The following SORBS3 variants were observed in gnomAD, a reference collection of about 807,000 sequenced individuals.
The protein encoded by SORBS3 is sorbin and SH3 domain containing 3, also known as vinexin.
SORBS3 carries 69 observed loss-of-function variants against 98.0 expected under a neutral mutation model. The ratio of observed to expected loss-of-function variants is 0.70; its 90% CI spans 0.58 to 0.86. SORBS3 has a LOEUF of 0.86. Among genes scored for constraint, SORBS3 ranks in the 40% least tolerant of loss-of-function variants. The pLI, the probability that SORBS3 is intolerant of heterozygous loss-of-function variation, is 0.00. For missense variants in SORBS3, 954 were observed against 908.5 expected (o/e 1.05, Z -0.64); for synonymous variants, 394 against 355.4 (o/e 1.11, Z -1.22).
chr8:22,564,635 C>G, intron 10 of SORBS3, 114 bp downstream of exon 10: 1 of 1,473,974 alleles, frequency 6.8e-7, no homozygotes, highest in Non-Finnish European at 9.3e-7. Flanking sequence ...CTCTCCAGTC[C>G]CACATGGTTT....
Position 22,572,427 on chromosome 8 carries a change from T to G in SORBS3, c.1935T>G (p.Cys645Trp). 1.2e-6 allele frequency: 2 copies of G among 1,613,724 alleles called. No homozygotes were observed. The highest frequency in any genetic ancestry group is 1.7e-6 in the Non-Finnish European group (2 of 1,179,852). Residue 645 changes from cysteine to tryptophan, a missense_variant, in exon 20 of 21, where the codon TGT becomes TGG. By Grantham distance (215) the Cys-to-Trp change is radical. Transcript: ENST00000240123. ...EGDRVDVMQQCDDGWFVGVSR... is the reference protein window; with the variant it reads ...EGDRVDVMQQWDDGWFVGVSR... ...ACAGGGTGGATGTCATGCAGCAGTG[T>G]GACGATGGCTGGTTTGTGGGTATGT...
At position 22,554,254 on chromosome 8, in the gene SORBS3, C is replaced by T. The variant is rs773368078; in HGVS notation, c.-55-198C>T. 1.5e-5 allele frequency: 6 copies of T among 405,092 alleles called. No individual in the cohort carries two copies. Among genetic ancestry groups the T allele is most frequent in the Non-Finnish European group, 2.2e-5 (5 of 226,410 alleles). 25.1% of individuals were successfully genotyped at this position (405,092 alleles called of 1,614,324 possible). A position where few individuals can be genotyped will look rare whatever the true frequency, so the allele number is the denominator to read the frequency against. On this transcript the variant is annotated intron_variant, in intron 1 of 20. Coordinates refer to ENST00000240123, the MANE Select transcript of SORBS3 (RefSeq NM_005775.5). The surrounding 1 kb of genome is among the most constrained non-coding windows in gnomAD (Gnocchi z 6.5). Reference sequence around the variant, plus strand: ...TGGGCCTAACAAGTGGTCCATTGTGCCCCTGGGAGCCGGCAGGCACGGGCA... The same window carrying T: ...TGGGCCTAACAAGTGGTCCATTGTGTCCCTGGGAGCCGGCAGGCACGGGCA...
At position 22,574,697 on chromosome 8, in the gene SORBS3, C is replaced by T. The variant is rs761572472; in HGVS notation, c.1985C>T (p.Thr662Met). 6.2e-7 allele frequency: 1 copy of T among 1,611,168 alleles called. No individual in the cohort carries two copies. The highest frequency in any genetic ancestry group is 8.5e-7 in the Non-Finnish European group (1 of 1,178,604). Residue 662 changes from threonine to methionine, a missense_variant, in exon 21 of 21, where the codon ACG (threonine) becomes ATG (methionine). Thr to Met is a moderately conservative substitution (Grantham distance 81). Coordinates refer to ENST00000240123, the MANE Select transcript of SORBS3 (RefSeq NM_005775.5). ...GVSRRTQKFG[T>M]FPGNYVAPV ...TCCCGGAGGACCCAGAAATTCGGAA[C>T]GTTCCCTGGAAATTACGTTGCCCCG...
Position 22,553,756 on chromosome 8 carries a change from G to T in SORBS3, c.-55-696G>T, listed in dbSNP as rs755732775. ...GGCACTCAGCACCAACTCTCCATGGGCATGAGCAGGTTCAGCTCTGCCCTC... is the reference window on the plus strand; with the variant it reads ...GGCACTCAGCACCAACTCTCCATGGTCATGAGCAGGTTCAGCTCTGCCCTC... On this transcript the variant is annotated intron_variant, in intron 1 of 20. Transcript: ENST00000240123. Among the ~76,000 whole-genome samples, 28 of 152,196 alleles carry T rather than the reference G, an allele frequency of 1.8e-4. 1 individual carries two copies. Among genetic ancestry groups the T allele is most frequent in the Non-Finnish European group, 7.4e-5 (5 of 68,022 alleles).
chr8:22,571,710 A>G lies in SORBS3; in HGVS notation c.1744-8A>G, dbSNP rs773921954. On this transcript the variant is annotated splice_region_variant and splice_polypyrimidine_tract_variant and intron_variant, in intron 18 of 20. Transcript: ENST00000240123. ...CTCTGACATCCCTTTCTTCCTGTCA[A>G]CTCCCAGAATCTTGGCACCCCTGGT... 1.9e-6 allele frequency: 3 copies of G among 1,606,954 alleles called. No homozygotes were observed. Among genetic ancestry groups the G allele is most frequent in the Non-Finnish European group, 2.6e-6 (3 of 1,174,234 alleles).
chr8:22,574,741 G>A lies in SORBS3; in HGVS notation c.*13G>A. 6.2e-7 allele frequency: 1 copy of A among 1,610,424 alleles called. No individual in the cohort carries two copies. Among genetic ancestry groups the A allele is most frequent in the Non-Finnish European group, 8.5e-7 (1 of 1,177,192 alleles). On this transcript the variant is annotated 3_prime_UTR_variant, in exon 21 of 21. Transcript: ENST00000240123. ...TGCCCCGGTGTGAGTGGTCTCCATG[G>A]CAACTTGGAGCCAGCCAGGATGGGG...
In SORBS3 at chr8:22,558,048, T is replaced by G. The variant is rs1441345639; in HGVS notation, c.415-81T>G. ...GTTCAGGGATGGCCAGAGAAGGGAC[T>G]CACTAGGGAAAGATTTTTGTGGCTT... On this transcript the variant is annotated intron_variant, in intron 4 of 20. Coordinates refer to ENST00000240123, the MANE Select transcript of SORBS3 (RefSeq NM_005775.5). 9 of 1,365,608 alleles carry G rather than the reference T, an allele frequency of 6.6e-6. 1 individual carries two copies. In the East Asian group the frequency reaches 6.9e-5, roughly 10 times the overall value. The allele number at this position is 1,365,608 out of a possible 1,614,324, so 84.6% of individuals were successfully genotyped here. A position where few individuals can be genotyped will look rare whatever the true frequency, so the allele number is the denominator to read the frequency against.
In SORBS3 at chr8:22,566,857, G is replaced by T. The variant is rs773537955; in HGVS notation, c.1179G>T (p.Ala393=). 9 of 1,611,700 alleles carry T rather than the reference G, an allele frequency of 5.6e-6. No individual in the cohort carries two copies. In the African/African-American group the frequency reaches 1.2e-4, roughly 22 times the overall value. ...KAARLKFDFQ[A]QSPKELTLQK... ...CCAGGCTCAAGTTTGACTTCCAGGCGCAGTCCCCCAAGTAAGCGCCCTCCT... is the reference window on the plus strand; with the variant it reads ...CCAGGCTCAAGTTTGACTTCCAGGCTCAGTCCCCCAAGTAAGCGCCCTCCT... The change falls in exon 15 of 21, where the codon GCG becomes GCT. Residue 393 remains alanine, a synonymous_variant. Transcript: ENST00000240123.
intron 18 of SORBS3, 94 bp from the exon 19 acceptor site, chr8:22,571,624 A>G (rs1373602477): frequency 1.1e-6 from 1 of 895,750 alleles, no homozygotes. Context: ...TGGCAGGTGG[A>G]CTGGGAACGC....
chr8:22,557,228 T>C (rs2449347), intron 4 of SORBS3, among the ~76,000 whole-genome samples: 66,394 of 151,608 alleles, frequency 0.44, 14,649 homozygotes, highest in South Asian at 0.47. Flanking sequence ...CCAGGGCCTG[T>C]CACGACGCTC....
intron 20 of SORBS3, among the ~76,000 whole-genome samples, chr8:22,574,251 C>T (rs1221113900): frequency 6.6e-6 from 1 of 152,150 alleles, no homozygotes; most frequent in African/African-American, 2.4e-5. Flanking sequence ...TACTCCTAAG[C>T]GTCGGGGTGC....
At chr8:22,555,142 C>T (rs998095425) in intron 3 of SORBS3, among the ~76,000 whole-genome samples, 162 bp downstream of exon 3, 4 of 152,200 alleles carry the variant, frequency 2.6e-5, no homozygotes, top group African/African-American at 9.6e-5. Flanking sequence ...CCCCTCCCTG[C>T]GGAGCCTGCT....
chr8:22,572,784 C>T (rs1271806952), intron 20 of SORBS3, among the ~76,000 whole-genome samples: 1 of 152,222 alleles, frequency 6.6e-6, no homozygotes, highest in African/African-American at 2.4e-5. Flanking sequence ...TGGGGGAGAG[C>T]TCCTGGTGGA....
At chr8:22,573,806 A>G (rs1326087281) in intron 20 of SORBS3, among the ~76,000 whole-genome samples, 1 of 152,240 alleles carries the variant, frequency 6.6e-6, no homozygotes, top group African/African-American at 2.4e-5. Context: ...TTTTCTATAT[A>G]TAGGAATATA....
chr8:22,558,203 C>T lies in SORBS3; in HGVS notation c.478+11C>T, dbSNP rs973761053. ...ACCGGAAAATGCCAGGTAAGATACC[C>T]TTCCAGGGCCCTCTCCCTGCCAAAG... On this transcript the variant is annotated intron_variant, in intron 5 of 20. Transcript: ENST00000240123. The T allele has an allele frequency of 6.2e-7, 1 of 1,613,488 alleles. No individual in the cohort carries two copies. Among genetic ancestry groups the T allele is most frequent in the East Asian group, 2.2e-5 (1 of 44,900 alleles).
At chr8:22,567,226 G>A (rs1586902597) in intron 16 of SORBS3, 51 bp downstream of exon 16, 1 of 1,301,432 alleles carries the variant, frequency 7.7e-7, no homozygotes, top group South Asian at 1.2e-5. Context: ...GGGCGCAGGG[G>A]TTGGGAGAGA....
At position 22,571,205 on chromosome 8, in the gene SORBS3, C is replaced by G. The variant is rs1334551134; in HGVS notation, c.1727C>G (p.Pro576Arg). ...RTGFSFPTQE[P>R]RPQTQNLGTP... Reference sequence around the variant, plus strand: ...GGCTTCTCCTTCCCCACCCAGGAGCCTAGACCCCAGACCCAGGTGAGGTAG... The same window carrying G: ...GGCTTCTCCTTCCCCACCCAGGAGCGTAGACCCCAGACCCAGGTGAGGTAG... Residue 576 changes from proline (P) to arginine (R), a missense_variant, in exon 18 of 21, where the codon CCT (proline) becomes CGT (arginine). Pro to Arg is a moderately radical substitution (Grantham distance 103). Transcript: ENST00000240123. 3.2e-6 allele frequency: 5 copies of G among 1,553,338 alleles called. No individual in the cohort carries two copies. The highest frequency in any genetic ancestry group is 2.3e-5 in the East Asian group (1 of 44,228).
chr8:22,565,749 CT>C (rs1419713652), intron 11 of SORBS3, 76 bp from the exon 12 acceptor site: 4 of 1,278,586 alleles, frequency 3.1e-6, no homozygotes, highest in South Asian at 2.4e-5. Context: ...GAGCCGCGAA[CT>C]TTTCCGGAGG....
chr8:22,556,002 G>C (rs1030388717), intron 3 of SORBS3, among the ~76,000 whole-genome samples: 1 of 152,208 alleles, frequency 6.6e-6, no homozygotes, highest in Non-Finnish European at 1.5e-5. Flanking sequence ...ATGACTGACA[G>C]CTTCCCAGTA....
Sources: gnomAD v4.1 joint callset for allele counts (sites outside exome capture counted in the v4.1 genomes callset) on GRCh38, gnomAD v4.1.1 for gene constraint, Gnocchi (gnomAD v3.1) non-coding constraint, MANE v1.5 for transcripts, NCBI Gene and HGNC (gene_info 2026-07-23, HGNC 2026-07-21) for gene names.